The following ACSL6 variants were observed in gnomAD, a reference collection of about 807,000 sequenced individuals.
ACSL6 encodes acyl-CoA synthetase long chain family member 6.
In ACSL6, 47 loss-of-function variants were observed where a neutral mutation model predicts 98.2. The observed-to-expected ratio is 0.48, with a 90% CI of 0.38 to 0.61. The LOEUF (loss-of-function observed/expected upper bound fraction) is 0.61. Among genes scored for constraint, ACSL6 ranks in the 20% least tolerant of loss-of-function variants. The probability of loss-of-function intolerance (pLI) is 0.00; values close to 1 mark genes in which losing one functional copy is unlikely to be tolerated. For synonymous variants in ACSL6, 362 were observed against 336.9 expected (o/e 1.07, Z -0.82); for missense variants, 761 against 913.4 (o/e 0.83, Z 2.15).
At chr5:131,958,431 C>G (rs185029182) in intron 20 of ACSL6, among the ~76,000 whole-genome samples, 2 of 152,186 alleles carry the variant, frequency 1.3e-5, no homozygotes, top group Admixed American at 1.3e-4. Flanking sequence ...TGACCTTTGT[C>G]TTTTAGAAAG....
At chr5:131,974,778 T>C in intron 11 of ACSL6, 115 bp downstream of exon 11, 2 of 1,611,318 alleles carry the variant, frequency 1.2e-6, no homozygotes, top group Non-Finnish European at 1.7e-6. Context: ...CGCTCAAACA[T>C]GTGTGCTAAA....
intron 2 of ACSL6, among the ~76,000 whole-genome samples, chr5:131,992,548 G>C (rs1011237106): frequency 6.6e-6 from 1 of 152,144 alleles, no homozygotes; most frequent in Non-Finnish European, 1.5e-5. Flanking sequence ...CCCATGTCCT[G>C]TCTTCCAGAC....
intron 9 of ACSL6, among the ~76,000 whole-genome samples, chr5:131,980,476 G>T (rs1753832367): frequency 6.6e-6 from 1 of 152,160 alleles, no homozygotes; most frequent in Non-Finnish European, 1.5e-5. Context: ...AAAACGAATA[G>T]GTCATGGTGA....
intron 1 of ACSL6, among the ~76,000 whole-genome samples, chr5:132,002,110 T>C (rs1003077142): frequency 3.9e-5 from 6 of 152,198 alleles, no homozygotes; most frequent in Middle Eastern, 3.4e-3. Context: ...TTCAGATCCT[T>C]CCACGCCAAG....
chr5:132,008,672 C>T (rs1454528471), intron 1 of ACSL6, among the ~76,000 whole-genome samples: 2 of 152,240 alleles, frequency 1.3e-5, no homozygotes, highest in East Asian at 3.9e-4. Flanking sequence ...ACCTTGAAGA[C>T]TCATCCCCCA....
rs901756839 is a variant in ACSL6, at chr5:131,985,343, C to T, written c.916+64G>A. On this transcript the variant is annotated intron_variant, in intron 9 of 20. Coordinates refer to ENST00000651883, the MANE Select transcript of ACSL6 (RefSeq NM_001009185.3). ...AGGGTATCAAAGACTCCAGCAGTCA[C>T]CTGCTAGGCCACCAGGGAAGGGTGC... The T allele has an allele frequency of 8.1e-6, 13 of 1,597,980 alleles. 1 individual carries two copies. The African/African-American group carries it at 1.3e-4, about 16-fold the overall frequency.
chr5:131,986,655 C>T (rs1580671514), intron 8 of ACSL6, among the ~76,000 whole-genome samples, 167 bp downstream of exon 8: 1 of 152,334 alleles, frequency 6.6e-6, no homozygotes, highest in East Asian at 1.9e-4. Flanking sequence ...CTTCCCTGGG[C>T]CCTCGGCCCA....
At chr5:131,993,264 T>A (rs1271813255) in intron 2 of ACSL6, 2 of 152,350 alleles carry the variant, frequency 1.3e-5, no homozygotes, top group Non-Finnish European at 2.9e-5. Flanking sequence ...AAAGGCAAGG[T>A]GCACAACAGG....
rs1450108975 is a variant in ACSL6, at chr5:131,974,654, G to A, written c.1068+239C>T. 45 of 1,306,758 alleles carry A rather than the reference G, an allele frequency of 3.4e-5. No individual in the cohort carries two copies. The East Asian group carries it at 1.1e-3, about 33-fold the overall frequency. The allele number at this position is 1,306,758 out of a possible 1,614,324, so 80.9% of individuals were successfully genotyped here. On this transcript the variant is annotated intron_variant, in intron 11 of 20. Transcript: ENST00000651883. Reference sequence around the variant, plus strand: ...TCTGACCCCTATGGTACCTTCTGAGGACAGGGCAGTTTGGTCCTACTTCAT... The same window carrying A: ...TCTGACCCCTATGGTACCTTCTGAGAACAGGGCAGTTTGGTCCTACTTCAT...
chr5:131,988,129 G>T lies in ACSL6; in HGVS notation c.750C>A (p.Ile250=), dbSNP rs1455718255. 1.9e-6 allele frequency: 3 copies of T among 1,614,190 alleles called. No homozygotes were observed. The Middle Eastern group carries it at 5.0e-4, about 266-fold the overall frequency. The stretch of plus-strand genomic sequence containing the variant: ...GGGCTTCTTCGAATGGGTCCATGAG[G>T]ATGATCAGCTTGAGGCCTGGAGTCT... ...RKETPGLKLI[I]LMDPFEEALK... is the part of the protein sequence containing the mutation. Residue 250 remains isoleucine, a synonymous_variant, in exon 7 of 21, where the codon ATC becomes ATA. Transcript: ENST00000651883.
chr5:131,951,468 C>T lies in ACSL6; in HGVS notation c.*2766G>A, dbSNP rs1001965975. ...TTTAGGGTACACTATTTACTTTTCT[C>T]AGCACATCTGAACTAACCCATTTAT... is the stretch of plus-strand genomic sequence containing the variant. On this transcript the variant is annotated 3_prime_UTR_variant, in exon 21 of 21. Coordinates refer to ENST00000651883, the MANE Select transcript of ACSL6 (RefSeq NM_001009185.3). The T allele has an allele frequency of 4.9e-5, 10 of 204,976 alleles. No homozygotes were observed. The highest frequency in any genetic ancestry group is 1.6e-3 in the Middle Eastern group (1 of 624). The allele number at this position is 204,976 out of a possible 1,614,324, so 12.7% of individuals were successfully genotyped here.
At chr5:131,964,817 TAGTG>T (rs1561778737) in intron 17 of ACSL6, among the ~76,000 whole-genome samples, 1 of 152,208 alleles carries the variant, frequency 6.6e-6, no homozygotes, top group Non-Finnish European at 1.5e-5. Context: ...TTCCCATGTC[TAGTG>T]CCTCTACTCA....
At chr5:132,009,201 C>G (rs1755576457) in intron 1 of ACSL6, among the ~76,000 whole-genome samples, 1 of 152,248 alleles carries the variant, frequency 6.6e-6, no homozygotes, top group African/African-American at 2.4e-5. Flanking sequence ...TGCCACACCC[C>G]CATCCCCGAC....
chr5:131,991,417 G>T (rs1754506340), intron 2 of ACSL6, among the ~76,000 whole-genome samples: 1 of 152,114 alleles, frequency 6.6e-6, no homozygotes, highest in Non-Finnish European at 1.5e-5. Context: ...GGATCAGTTG[G>T]GTGTGGTGTT....
intron 1 of ACSL6, chr5:131,994,723 C>T (rs1754704488): frequency 5.6e-6 from 1 of 177,564 alleles, no homozygotes; most frequent in Non-Finnish European, 1.2e-5. Flanking sequence ...AGGCTCCTCC[C>T]TCTCTACCTC....
Position 131,989,505 on chromosome 5 carries a change from C to T in ACSL6, c.454G>A (p.Ala152Thr), listed in dbSNP as rs762845328. The T allele has an allele frequency of 6.8e-6, 11 of 1,610,088 alleles. No homozygotes were observed. Among genetic ancestry groups the T allele is most frequent in the Non-Finnish European group, 9.3e-6 (11 of 1,177,752 alleles). ...GACCCCAGAAATTCAGCCCTGTCGG[C>T]CACCTGCACACAGATGTGGGGAAGT... ...PYQWLSYQEV[A>T]DRAEFLGSGL... Residue 152 changes from alanine (A) to threonine (T), a missense_variant, in exon 5 of 21, where the codon GCC (alanine) becomes ACC (threonine). Ala to Thr is a moderately conservative substitution (Grantham distance 58). Transcript: ENST00000651883.
chr5:131,951,024 A>G lies in ACSL6; in HGVS notation c.*3210T>C. ...ACCAGAGTCCCGTCTCTCATTTGCA[A>G]GGGAAGTCTCAATATTATATAAAGA... On this transcript the variant is annotated 3_prime_UTR_variant, in exon 21 of 21. Coordinates refer to ENST00000651883, the MANE Select transcript of ACSL6 (RefSeq NM_001009185.3). The G allele has an allele frequency of 5.1e-6, 1 of 196,292 alleles. No individual in the cohort carries two copies. Among genetic ancestry groups the G allele is most frequent in the East Asian group, 8.1e-5 (1 of 12,422 alleles). 12.2% of individuals were successfully genotyped at this position (196,292 alleles called of 1,614,324 possible). A position where few individuals can be genotyped will look rare whatever the true frequency, so the allele number is the denominator to read the frequency against.
At chr5:131,993,370 A>C (rs1327624114) in intron 2 of ACSL6, 1 of 154,594 alleles carries the variant, frequency 6.5e-6, no homozygotes, top group African/African-American at 2.4e-5. Flanking sequence ...GGGGAAGAGA[A>C]CTGGGAGAGC....
At chr5:131,980,983 C>T (rs1439706131) in intron 9 of ACSL6, among the ~76,000 whole-genome samples, 2 of 152,168 alleles carry the variant, frequency 1.3e-5, no homozygotes, top group African/African-American at 4.8e-5. Context: ...CTCCTCTCAT[C>T]CTCAGCCAGG....
Sources: gnomAD v4.1 joint callset for allele counts (sites outside exome capture counted in the v4.1 genomes callset) on GRCh38, gnomAD v4.1.1 for gene constraint, MANE v1.5 for transcripts, NCBI Gene and HGNC (gene_info 2026-07-23, HGNC 2026-07-21) for gene names.